Variants in LCA5 observed in about 807,000 individuals in gnomAD.
LCA5 encodes lebercilin.
A neutral mutation model predicts 53.0 loss-of-function variants in LCA5; 37 were observed. The observed-to-expected ratio is 0.70, with a 90% CI of 0.54 to 0.92. The LOEUF (loss-of-function observed/expected upper bound fraction) is 0.92. Among genes scored for constraint, LCA5 ranks in the 40% least tolerant of loss-of-function variants. The probability of loss-of-function intolerance (pLI) is 0.00; values close to 1 mark genes in which losing one functional copy is unlikely to be tolerated. For synonymous variants in LCA5, 303 were observed against 282.9 expected, an observed-to-expected ratio of 1.07 and a Z score of -0.71; for missense variants, 806 against 790.5, an observed-to-expected ratio of 1.02 and a Z score of -0.23.
At chr6:79,507,753 T>C (rs1179196294) in intron 3 of LCA5, among the ~76,000 whole-genome samples, 1 of 152,060 alleles carries the variant, frequency 6.6e-6, no homozygotes. Flanking sequence ...TCCAGACTCT[T>C]TGTTTTGGGT....
chr6:79,519,757 G>C (rs2127683610), intron 1 of LCA5, among the ~76,000 whole-genome samples: 1 of 145,510 alleles, frequency 6.9e-6, no homozygotes, highest in East Asian at 2.0e-4. Context: ...AAATATCCAA[G>C]ATTGACCACA....
intron 2 of LCA5, among the ~76,000 whole-genome samples, chr6:79,517,568 C>A: frequency 6.6e-6 from 1 of 150,836 alleles, no homozygotes; most frequent in Admixed American, 6.6e-5. Context: ...AGAAAGAGAC[C>A]AAAATAACAA....
chr6:79,513,282 T>G lies in LCA5; in HGVS notation c.650A>C (p.Glu217Ala), dbSNP rs371429608. The G allele has an allele frequency of 2.0e-5, 33 of 1,613,682 alleles. No homozygotes were observed. The highest frequency in any genetic ancestry group is 4.2e-6 in the Non-Finnish European group (5 of 1,179,830). ...KEISEARHLP[E>A]RDDLAKKLVS... The stretch of plus-strand genomic sequence containing the variant: ...TAGTTTCTTTGCCAAATCATCTCGT[T>G]CAGGTAGGTGTCTAGCTTCAGAGAT... The change falls in exon 3 of 8, where the codon GAA (glutamate) becomes GCA (alanine). Residue 217 changes from glutamate (E) to alanine (A), a missense_variant. Coordinates refer to ENST00000369846, the MANE Select transcript of LCA5 (RefSeq NM_001122769.3).
chr6:79,527,149 T>C (rs957911503), intron 1 of LCA5, among the ~76,000 whole-genome samples: 1 of 151,968 alleles, frequency 6.6e-6, no homozygotes, highest in Non-Finnish European at 1.5e-5. Context: ...GAAACAGCCA[T>C]GCAAACAGCT....
chr6:79,516,209 G>T, intron 2 of LCA5, among the ~76,000 whole-genome samples: 1 of 151,568 alleles, frequency 6.6e-6, no homozygotes, highest in African/African-American at 2.4e-5. Flanking sequence ...CCAATGGGCA[G>T]CATTAGTTGA....
chr6:79,489,222 A>C lies in LCA5; in HGVS notation c.1099-6T>G, dbSNP rs1467632797. ...TGCTTTTGAGATTGCAAGTCCTATT[A>C]TACGTTAAAAAAAATGCAAGTTCAC... On this transcript the variant is annotated splice_polypyrimidine_tract_variant and splice_region_variant and intron_variant, in intron 6 of 7. Transcript: ENST00000369846. 1 of 1,610,324 alleles carries C rather than the reference A, an allele frequency of 6.2e-7. No homozygotes were observed. The highest frequency in any genetic ancestry group is 1.7e-4 in the Middle Eastern group (1 of 6,058).
chr6:79,488,364 C>T (rs1259774492), intron 7 of LCA5: 2 of 154,936 alleles, frequency 1.3e-5, no homozygotes, highest in Non-Finnish European at 2.8e-5. Context: ...AAATGTTAAT[C>T]TCTCACACAC....
chr6:79,517,202 C>G (rs1766464245), intron 2 of LCA5, among the ~76,000 whole-genome samples: 1 of 151,920 alleles, frequency 6.6e-6, no homozygotes, highest in Non-Finnish European at 1.5e-5. Context: ...ATTCAAAGGA[C>G]AGTGTAAAAC....
At chr6:79,538,536 C>A (rs1407369433), upstream of LCA5, among the ~76,000 whole-genome samples, 1 of 152,152 alleles carries the variant, frequency 6.6e-6, no homozygotes, top group Non-Finnish European at 1.5e-5. Context: ...GATGAGTAAT[C>A]CCTAAATTGC....
intron 3 of LCA5, among the ~76,000 whole-genome samples, chr6:79,496,779 T>C (rs1769994473): frequency 1.3e-5 from 2 of 152,082 alleles, no homozygotes; most frequent in Admixed American, 1.3e-4. Flanking sequence ...AGCTTCTGGG[T>C]TGACAGACAT....
At chr6:79,504,974 G>C (rs972831341) in intron 3 of LCA5, among the ~76,000 whole-genome samples, 1 of 152,120 alleles carries the variant, frequency 6.6e-6, no homozygotes, top group African/African-American at 2.4e-5. Context: ...ATAGATATGA[G>C]ATTGCACACA....
At position 79,493,610 on chromosome 6, in the gene LCA5, T is replaced by G; in HGVS notation, c.858+3A>C. The G allele has an allele frequency of 5.6e-6, 9 of 1,611,252 alleles. No individual in the cohort carries two copies. The highest frequency in any genetic ancestry group is 7.6e-6 in the Non-Finnish European group (9 of 1,177,556). ...GGAAAACAATGCAATTTAAAATACT[T>G]ACCTTTAATTTGTGATATAGTCGCT... On this transcript the variant is annotated splice_donor_region_variant and intron_variant, in intron 4 of 7. Transcript: ENST00000369846.
intron 1 of LCA5, among the ~76,000 whole-genome samples, chr6:79,523,747 CT>C (rs201567768): frequency 0.011 from 1,629 of 152,284 alleles, 35 homozygotes; most frequent in African/African-American, 0.038. Flanking sequence ...GGCCCACCAA[CT>C]TTCTATGGCA....
Position 79,495,382 on chromosome 6 carries a change from T to C in LCA5, c.721-1632A>G, listed in dbSNP as rs1452391162. Among the ~76,000 whole-genome samples the C allele has an allele frequency of 3.3e-5, 5 of 152,086 alleles. 1 individual carries two copies. Among genetic ancestry groups the C allele is most frequent in the South Asian group, 4.2e-4 (2 of 4,812 alleles). ...GTTATCCCTCTGTGTCTGTAGGGGA[T>C]TGGTTCCAGGACTCCTGTGGATACC... On this transcript the variant is annotated intron_variant, in intron 3 of 7. Coordinates refer to ENST00000369846, the MANE Select transcript of LCA5 (RefSeq NM_001122769.3).
At chr6:79,499,967 A>C (rs1378184208) in intron 3 of LCA5, among the ~76,000 whole-genome samples, 1 of 150,476 alleles carries the variant, frequency 6.6e-6, no homozygotes, top group Non-Finnish European at 1.5e-5. Flanking sequence ...TGTTCTTGCG[A>C]TAGTTTACTG....
At chr6:79,515,607 C>A (rs1406162002) in intron 2 of LCA5, among the ~76,000 whole-genome samples, 1 of 151,958 alleles carries the variant, frequency 6.6e-6, no homozygotes, top group Non-Finnish European at 1.5e-5. Flanking sequence ...ATGGTAACTG[C>A]ATTTTTTTTC....
Position 79,487,431 on chromosome 6 carries a change from T to G in LCA5, c.1667A>C (p.Tyr556Ser), listed in dbSNP as rs781140519. The change falls in exon 8 of 8, where the codon TAC becomes TCC. Residue 556 changes from tyrosine (Y) to serine (S), a missense_variant. By Grantham distance (144) the Tyr-to-Ser change is moderately radical (BLOSUM62 -2). Transcript: ENST00000369846. Reference sequence around the variant, plus strand: ...TGATGTTTTTGCAAACGAAGGCACGTAGCTACCAAATGCGAACTCATTAGG... The same window carrying G: ...TGATGTTTTTGCAAACGAAGGCACGGAGCTACCAAATGCGAACTCATTAGG... Reference protein sequence around the residue: ...ASPNEFAFGSYVPSFAKTSER... With the variant: ...ASPNEFAFGSSVPSFAKTSER... 5.6e-6 allele frequency: 9 copies of G among 1,613,554 alleles called. No homozygotes were observed. The South Asian group carries it at 9.9e-5, about 18-fold the overall frequency.
rs780135437 is a variant in LCA5 at position 79,493,764 on chromosome 6, TA to T, written c.721-15del. ...TTTCGATAGCTCCTATATGTATAAA[TA>T]CATAAAAAGCAGTCCTTTAAAAAAA... On this transcript the variant is annotated splice_polypyrimidine_tract_variant and intron_variant, in intron 3 of 7. Transcript: ENST00000369846. 225 of 1,597,550 alleles carry T rather than the reference TA, an allele frequency of 1.4e-4. No homozygotes were observed. Among genetic ancestry groups the T allele is most frequent in the Non-Finnish European group, 1.8e-4 (208 of 1,170,850 alleles).
chr6:79,503,982 A>G (rs1396341559), intron 3 of LCA5, among the ~76,000 whole-genome samples: 1 of 152,226 alleles, frequency 6.6e-6, no homozygotes, highest in African/African-American at 2.4e-5. Context: ...TCTATATTAA[A>G]GATGCTTTCA....
Sources: allele counts gnomAD v4.1 joint callset (sites outside exome capture counted in the v4.1 genomes callset), GRCh38; gene constraint gnomAD v4.1.1; transcripts MANE v1.5; gene names NCBI Gene and HGNC (gene_info 2026-07-23, HGNC 2026-07-21).